DST: variants seen among roughly 807,000 people sequenced by gnomAD.
DST encodes dystonin.
Under a neutral mutation model 875.2 loss-of-function variants are expected in DST, and 253 were observed. That is an observed-to-expected ratio of 0.29 (90% CI 0.26 to 0.32). DST has a LOEUF of 0.32. Ranked by LOEUF, DST falls within the 10% of genes least tolerant of loss-of-function variation. The pLI is 1.00. For synonymous variants in DST, 3,124 were observed against 3,197.1 expected, an observed-to-expected ratio of 0.98 and a Z score of 0.77; for missense variants, 8,287 against 9,111.6, an observed-to-expected ratio of 0.91 and a Z score of 3.68.
rs1167520807 is a variant in DST at position 56,640,011 on chromosome 6, T to C, written c.2537A>G (p.Glu846Gly). The change falls in exon 19 of 104, where the codon GAA becomes GGA. Residue 846 changes from glutamate (E) to glycine (G), a missense_variant. Coordinates refer to ENST00000680361, the MANE Select transcript of DST (RefSeq NM_001374736.1). ...ATTTTTATGATTTTCTAAATGGCTT[T>C]CAACACTTGGCAAATCTGAGCCCCA... ...TEWGSDLPSVESHLENHKNVH... is the reference protein window; with the variant it reads ...TEWGSDLPSVGSHLENHKNVH... The C allele has an allele frequency of 6.2e-7, 1 of 1,614,096 alleles. No individual in the cohort carries two copies. Among genetic ancestry groups the C allele is most frequent in the Non-Finnish European group, 8.5e-7 (1 of 1,179,972 alleles).
At chr6:56,670,133 C>CGTGTGTGTGTGTGT (rs70989723) in intron 10 of DST, among the ~76,000 whole-genome samples, 138 of 146,294 alleles carry the variant, frequency 9.4e-4, no homozygotes, top group African/African-American at 1.7e-3. Flanking sequence ...AGCGCCCGTG[C>CGTGTGTGTGTGTGT]GTGTGTGTGT....
intron 10 of DST, among the ~76,000 whole-genome samples, chr6:56,652,069 TTA>T (rs1427065497): frequency 6.6e-6 from 1 of 152,146 alleles, no homozygotes; most frequent in Non-Finnish European, 1.5e-5. Context: ...AAGCAATAGT[TTA>T]TGTTTTCATG....
rs997527177 is a variant in DST, at chr6:56,603,372, T to C, written c.10990A>G (p.Met3664Val). The C allele has an allele frequency of 1.4e-5, 22 of 1,610,874 alleles. No homozygotes were observed. The highest frequency in any genetic ancestry group is 1.8e-5 in the Non-Finnish European group (21 of 1,179,082). Residue 3664 changes from methionine to valine, a missense_variant, in exon 42 of 104, where the codon ATG becomes GTG. By Grantham distance (21) the Met-to-Val change is conservative (BLOSUM62 1). Transcript: ENST00000680361. ...TTTAAAAACTCTTCTGCCAACTTCA[T>C]ATCTTTTCTTAAAATAACAGCAATT... ...APIAVILRKD[M>V]KLAEEFLKSL...
intron 4 of DST, among the ~76,000 whole-genome samples, chr6:56,832,296 A>G (rs2099788095): frequency 6.6e-6 from 1 of 152,154 alleles, no homozygotes; most frequent in African/African-American, 2.4e-5. Context: ...CATGGGGGCA[A>G]GTCTTTTCCA....
rs371273718 is a variant in DST, at chr6:56,492,300, C to G, written c.20684G>C (p.Arg6895Pro). Residue 6895 changes from arginine to proline, a missense_variant, in exon 85 of 104, where the codon CGA becomes CCA. Arg to Pro is a moderately radical substitution (Grantham distance 103, BLOSUM62 -2). Coordinates refer to ENST00000680361, the MANE Select transcript of DST (RefSeq NM_001374736.1). ...IKNLLISVQS[R>P]WEKVVQRLVE... ...CAACCGTTGAACCACTTTTTCCCAT[C>G]GACTTTGTACACTGATAAGTAGATT... The G allele has an allele frequency of 1.9e-6, 3 of 1,613,846 alleles. No homozygotes were observed. The highest frequency in any genetic ancestry group is 2.5e-6 in the Non-Finnish European group (3 of 1,179,808).
At chr6:56,538,575 A>G in intron 61 of DST, among the ~76,000 whole-genome samples, 1 of 152,226 alleles carries the variant, frequency 6.6e-6, no homozygotes, top group East Asian at 1.9e-4. Flanking sequence ...CAAATCCTCC[A>G]GACTCTGGTC....
chr6:56,779,315 T>A (rs2099686853), intron 4 of DST, among the ~76,000 whole-genome samples: 1 of 152,062 alleles, frequency 6.6e-6, no homozygotes, highest in Non-Finnish European at 1.5e-5. Context: ...TTGCAAAAAA[T>A]TTCTCCCATT....
chr6:56,771,271 T>C (rs1454057442), intron 4 of DST, among the ~76,000 whole-genome samples: 1 of 152,166 alleles, frequency 6.6e-6, no homozygotes. Context: ...AATCTGAGTA[T>C]TACTTTAGAA....
At chr6:56,843,276 A>T in intron 4 of DST, 1 of 1,251,234 alleles carries the variant, frequency 8.0e-7, no homozygotes, top group Non-Finnish European at 1.0e-6. Flanking sequence ...GGGGAGAAGC[A>T]CGGAAGCCGA....
chr6:56,869,954 G>A (rs980083821), intron 3 of DST, among the ~76,000 whole-genome samples: 1 of 152,026 alleles, frequency 6.6e-6, no homozygotes, highest in Non-Finnish European at 1.5e-5. Context: ...CTAAAGTGCT[G>A]GGATTACAGG....
Position 56,458,078 on chromosome 6 carries a change from T to C in DST, c.*927A>G, listed in dbSNP as rs1338294691. On this transcript the variant is annotated 3_prime_UTR_variant, in exon 104 of 104. Transcript: ENST00000680361. ...CACATAATAAATTAAAATGTATATATTTATTAAATATAGATAGATATAATA... is the reference window on the plus strand; with the variant it reads ...CACATAATAAATTAAAATGTATATACTTATTAAATATAGATAGATATAATA... 1 of 152,436 alleles carries C rather than the reference T, an allele frequency of 6.6e-6. No homozygotes were observed. Among genetic ancestry groups the C allele is most frequent in the African/African-American group, 2.4e-5 (1 of 41,426 alleles). 9.4% of individuals were successfully genotyped at this position (152,436 alleles called of 1,614,324 possible).
intron 4 of DST, among the ~76,000 whole-genome samples, chr6:56,779,700 T>C (rs1474886000): frequency 6.6e-6 from 1 of 151,720 alleles, no homozygotes; most frequent in Non-Finnish European, 1.5e-5. Flanking sequence ...GTTGTAGATA[T>C]GTGGCATTAG....
At chr6:56,918,257 G>A (rs1802326930) in intron 2 of DST, among the ~76,000 whole-genome samples, 1 of 151,804 alleles carries the variant, frequency 6.6e-6, no homozygotes, top group African/African-American at 2.4e-5. Flanking sequence ...CTCCTGAGTA[G>A]TTAGGATAAC....
At chr6:56,645,778 A>C in intron 15 of DST, 88 bp downstream of exon 15, 1 of 1,480,276 alleles carries the variant, frequency 6.8e-7, no homozygotes, top group Non-Finnish European at 9.2e-7. Flanking sequence ...AAGGCCAAGT[A>C]AACAGAGGTT....
At chr6:56,520,002 T>C (rs1200180706) in intron 69 of DST, among the ~76,000 whole-genome samples, 1 of 152,132 alleles carries the variant, frequency 6.6e-6, no homozygotes, top group African/African-American at 2.4e-5. Context: ...AATGAGAAAT[T>C]AGAAGGCTTC....
At chr6:56,651,923 ATT>A (rs1166388386) in intron 10 of DST, among the ~76,000 whole-genome samples, 2 of 152,248 alleles carry the variant, frequency 1.3e-5, no homozygotes, top group African/African-American at 4.8e-5. Flanking sequence ...AGTACTATGT[ATT>A]AAGAAAATTT....
Position 56,526,422 on chromosome 6 carries a change from A to G in DST, c.18068T>C (p.Val6023Ala). The change falls in exon 69 of 104, where the codon GTG (valine) becomes GCG (alanine). Residue 6023 changes from valine to alanine, a missense_variant. This residue lies in a region of DST where 777 missense variants were observed against 764.8 expected (regional missense o/e 1.02). Coordinates refer to ENST00000680361, the MANE Select transcript of DST (RefSeq NM_001374736.1). ...VAEDNERYRL[V>A]SDTITQKVEE... ...CACCTTCTGAGTGATGGTGTCGCTC[A>G]CTAATCGGTAGCGCTCATTGTCCTC... is the stretch of plus-strand genomic sequence containing the variant. 6.2e-7 allele frequency: 1 copy of G among 1,613,818 alleles called. No homozygotes were observed. The highest frequency in any genetic ancestry group is 8.5e-7 in the Non-Finnish European group (1 of 1,179,802).
rs188144819 is a variant in DST at position 56,625,438 on chromosome 6, G to C, written c.4723-174C>G. ...ATTAAGTTTAAATAAAGAAAATATAGTCGTGTTTCACATGAAACATTTCAG... is the reference window on the plus strand; with the variant it reads ...ATTAAGTTTAAATAAAGAAAATATACTCGTGTTTCACATGAAACATTTCAG... On this transcript the variant is annotated intron_variant, in intron 34 of 103. Coordinates refer to ENST00000680361, the MANE Select transcript of DST (RefSeq NM_001374736.1). Among the ~76,000 whole-genome samples, 14 of 152,214 alleles carry C rather than the reference G, an allele frequency of 9.2e-5. 1 individual carries two copies. The highest frequency in any genetic ancestry group is 5.9e-4 in the Admixed American group (9 of 15,284).
At chr6:56,582,787 G>A (rs143641706) in intron 49 of DST, among the ~76,000 whole-genome samples, 1,856 of 150,870 alleles carry the variant, frequency 0.012, 32 homozygotes, top group African/African-American at 0.043. Flanking sequence ...GATGATCCCC[G>A]TCCTGTGTCC....
Sources: allele counts gnomAD v4.1 joint callset (sites outside exome capture counted in the v4.1 genomes callset), GRCh38; gene constraint gnomAD v4.1.1; regional missense constraint gnomAD v4.1.1; transcripts MANE v1.5; gene names NCBI Gene and HGNC (gene_info 2026-07-23, HGNC 2026-07-21).